Variants in RABGAP1L observed in about 807,000 individuals in gnomAD.
RABGAP1L encodes the protein RAB GTPase activating protein 1 like.
In RABGAP1L, 63 loss-of-function variants were observed where a neutral mutation model predicts 137.7. That is an observed-to-expected ratio of 0.46 (90% CI 0.37 to 0.56). The LOEUF is 0.56. RABGAP1L is among the 20% of genes least tolerant of loss of function. The pLI, the probability that RABGAP1L is intolerant of heterozygous loss-of-function variation, is 0.00. For synonymous variants in RABGAP1L, 431 were observed against 433.7 expected (o/e 0.99, Z 0.08); for missense variants, 1,095 against 1,244.0 (o/e 0.88, Z 1.80).
chr1:174,844,322 T>A lies in RABGAP1L; in HGVS notation c.2340+32362T>A, dbSNP rs1382008508. 5.6e-4 allele frequency among the ~76,000 whole-genome samples: 71 copies of A among 126,610 alleles called. 1 individual carries two copies. The East Asian group carries it at 0.016, about 28-fold the overall frequency. 83.1% of individuals were successfully genotyped at this position (126,610 alleles called of 152,430 possible). ...CCCACACCTATGTCCTGAATGGTAA[T>A]GCCTAGGTTTTCTTCTAGGGTTTTT... On this transcript the variant is annotated intron_variant, in intron 19 of 25. Transcript: ENST00000681986.
intron 19 of RABGAP1L, among the ~76,000 whole-genome samples, chr1:174,902,598 G>A (rs141314087): frequency 7.2e-5 from 11 of 152,338 alleles, no homozygotes; most frequent in Non-Finnish European, 1.5e-4. Flanking sequence ...ACATAGCTCT[G>A]TGTATCAGAC....
intron 13 of RABGAP1L, among the ~76,000 whole-genome samples, chr1:174,548,848 CTTAG>C (rs1326224447): frequency 6.6e-6 from 1 of 152,126 alleles, no homozygotes; most frequent in Non-Finnish European, 1.5e-5. Context: ...TATTTACAAG[CTTAG>C]TTAGAAGTAC....
intron 14 of RABGAP1L, among the ~76,000 whole-genome samples, chr1:174,641,774 A>G (rs115566148): frequency 0.014 from 2,165 of 152,296 alleles, 26 homozygotes; most frequent in Non-Finnish European, 0.023. Context: ...GTGTGGTGTC[A>G]TAAGATTGTT....
intron 19 of RABGAP1L, among the ~76,000 whole-genome samples, chr1:174,946,915 A>T (rs34255453): frequency 0.014 from 750 of 53,868 alleles, 28 homozygotes; most frequent in Non-Finnish European, 0.019. Context: ...AAAAAAAAAA[A>T]AAATATATAT....
intron 18 of RABGAP1L, among the ~76,000 whole-genome samples, chr1:174,772,969 G>T (rs1686240935): frequency 6.6e-6 from 1 of 152,020 alleles, no homozygotes; most frequent in South Asian, 2.1e-4. Context: ...TATTTTATCA[G>T]TGATTCTATT....
At chr1:174,429,327 C>T (rs1333306210) in intron 13 of RABGAP1L, among the ~76,000 whole-genome samples, 3 of 152,122 alleles carry the variant, frequency 2.0e-5, no homozygotes, top group African/African-American at 7.2e-5. Flanking sequence ...TTATGAGGAT[C>T]TATAATATAT....
At chr1:174,398,847 G>A (rs1055846322) in intron 13 of RABGAP1L, among the ~76,000 whole-genome samples, 1 of 152,066 alleles carries the variant, frequency 6.6e-6, no homozygotes, top group Non-Finnish European at 1.5e-5. Flanking sequence ...CACTAGTTGA[G>A]ATCTATTATG....
At chr1:174,814,097 C>T (rs954632157) in intron 19 of RABGAP1L, among the ~76,000 whole-genome samples, 5 of 151,894 alleles carry the variant, frequency 3.3e-5, no homozygotes, top group Non-Finnish European at 5.9e-5. Context: ...CTGGAGGTGG[C>T]TAGTTATTAT....
intron 13 of RABGAP1L, among the ~76,000 whole-genome samples, chr1:174,557,513 C>T (rs1006036647): frequency 1.2e-4 from 19 of 152,148 alleles, no homozygotes; most frequent in Admixed American, 7.2e-4. Context: ...CCACCATAAC[C>T]TTGATGTAAG....
intron 3 of RABGAP1L, among the ~76,000 whole-genome samples, chr1:174,229,330 C>G (rs1375899838): frequency 1.3e-5 from 2 of 152,088 alleles, no homozygotes; most frequent in South Asian, 4.1e-4. Context: ...TTTGTTTAAT[C>G]CTCATTATTT....
intron 1 of RABGAP1L, among the ~76,000 whole-genome samples, chr1:174,161,217 G>A: frequency 8.3e-6 from 1 of 120,268 alleles, no homozygotes; most frequent in East Asian, 2.7e-4. Context: ...TTGCTCTGAT[G>A]TGTATTATTA....
chr1:174,881,560 C>T (rs932245582), intron 19 of RABGAP1L, among the ~76,000 whole-genome samples: 2 of 132,738 alleles, frequency 1.5e-5, no homozygotes, highest in Non-Finnish European at 3.1e-5. Context: ...AGTACAGTGG[C>T]ACGATTTGGG....
At position 174,822,774 on chromosome 1, in the gene RABGAP1L, C is replaced by T. The variant is rs186729008; in HGVS notation, c.2340+10814C>T. 2.7e-3 allele frequency among the ~76,000 whole-genome samples: 418 copies of T among 152,320 alleles called. 4 individuals carry two copies. Among genetic ancestry groups the T allele is most frequent in the African/African-American group, 8.3e-3 (344 of 41,580 alleles). On this transcript the variant is annotated intron_variant, in intron 19 of 25. Coordinates refer to ENST00000681986, the MANE Select transcript of RABGAP1L (RefSeq NM_001366446.1). The stretch of plus-strand genomic sequence containing the variant: ...CACCTCTTTCTGTGTGGCCCGGTTC[C>T]TAATGACCGGTACTGGTCCGCTGCC...
At chr1:174,436,743 GAGATCTC>G (rs1347744498) in intron 13 of RABGAP1L, among the ~76,000 whole-genome samples, 2 of 152,122 alleles carry the variant, frequency 1.3e-5, no homozygotes, top group African/African-American at 4.8e-5. Flanking sequence ...GCCTATGCTT[GAGATCTC>G]AGAATGGGCA....
chr1:174,734,600 A>G (rs995975338), intron 17 of RABGAP1L, among the ~76,000 whole-genome samples: 2 of 152,208 alleles, frequency 1.3e-5, no homozygotes, highest in Non-Finnish European at 2.9e-5. Flanking sequence ...GCCATTTATT[A>G]TAAATGAGGC....
At chr1:174,183,107 T>G (rs1666510290) in intron 1 of RABGAP1L, among the ~76,000 whole-genome samples, 1 of 152,200 alleles carries the variant, frequency 6.6e-6, no homozygotes, top group Non-Finnish European at 1.5e-5. Context: ...AAGGCATATA[T>G]TATTGTTTTC....
chr1:174,408,156 A>G lies in RABGAP1L; in HGVS notation c.1710+14011A>G, dbSNP rs139969086. ...CATGATGCTGAAGTTTTGGGTGTGA[A>G]TGATCCTATCACTTGGGTAATGAGC... On this transcript the variant is annotated intron_variant, in intron 13 of 25. Coordinates refer to ENST00000681986, the MANE Select transcript of RABGAP1L (RefSeq NM_001366446.1). 5.3e-5 allele frequency among the ~76,000 whole-genome samples: 8 copies of G among 152,288 alleles called. No homozygotes were observed. The East Asian group carries it at 1.5e-3, about 29-fold the overall frequency.
At chr1:174,601,236 T>G (rs537152261) in intron 13 of RABGAP1L, among the ~76,000 whole-genome samples, 6 of 152,208 alleles carry the variant, frequency 3.9e-5, no homozygotes, top group African/African-American at 9.6e-5. Flanking sequence ...ACAAAACTAC[T>G]TTTTCCTCCG....
intron 10 of RABGAP1L, among the ~76,000 whole-genome samples, chr1:174,299,732 T>C (rs1337861552): frequency 2.0e-5 from 3 of 152,244 alleles, no homozygotes; most frequent in African/African-American, 4.8e-5. Context: ...TGCTTTGGCT[T>C]TCTGAGTTCA....
Sources: gnomAD v4.1 joint callset for allele counts (sites outside exome capture counted in the v4.1 genomes callset) on GRCh38, gnomAD v4.1.1 for gene constraint, MANE v1.5 for transcripts, NCBI Gene and HGNC (gene_info 2026-07-23, HGNC 2026-07-21) for gene names.